Variants in CARMIL1 observed in about 807,000 individuals in gnomAD.
The protein encoded by CARMIL1 is capping protein regulator and myosin 1 linker 1, also known as F-actin-uncapping protein LRRC16A.
In CARMIL1, 90 loss-of-function variants were observed where a neutral mutation model predicts 177.1. That is an observed-to-expected ratio of 0.51 (90% CI 0.43 to 0.61). The LOEUF (loss-of-function observed/expected upper bound fraction) is 0.61, where lower values mean the gene tolerates loss of function less well. Among genes scored for constraint, CARMIL1 ranks in the 20% least tolerant of loss-of-function variants. The pLI, the probability that CARMIL1 is intolerant of heterozygous loss-of-function variation, is 0.00. For missense variants in CARMIL1, 1,380 were observed against 1,667.0 expected (o/e 0.83, Z 3.00); for synonymous variants, 577 against 606.2 (o/e 0.95, Z 0.71).
intron 24 of CARMIL1, among the ~76,000 whole-genome samples, chr6:25,536,214 AC>A (rs1808288833): frequency 6.6e-6 from 1 of 152,042 alleles, no homozygotes; most frequent in South Asian, 2.1e-4. Context: ...ATTATTAATG[AC>A]CCTTTTTGCT....
intron 11 of CARMIL1, among the ~76,000 whole-genome samples, chr6:25,473,276 C>G (rs1472162490): frequency 1.3e-5 from 2 of 152,124 alleles, no homozygotes; most frequent in African/African-American, 4.8e-5. Flanking sequence ...GTAGGGATGT[C>G]TCATTACTGT....
At chr6:25,280,568 A>T (rs1296854769) in intron 1 of CARMIL1, among the ~76,000 whole-genome samples, 2 of 140,852 alleles carry the variant, frequency 1.4e-5, no homozygotes, top group African/African-American at 5.4e-5. Flanking sequence ...AAGGTGACCC[A>T]TTGTTTGAGT....
At chr6:25,304,815 G>A (rs1561959014) in intron 2 of CARMIL1, among the ~76,000 whole-genome samples, 1 of 152,196 alleles carries the variant, frequency 6.6e-6, no homozygotes, top group African/African-American at 2.4e-5. Context: ...CTTATTGAAT[G>A]TCACAGTTTT....
In CARMIL1 at chr6:25,565,109, C is replaced by T. The variant is rs74856982; in HGVS notation, c.2742+8259C>T. 7.1e-3 allele frequency among the ~76,000 whole-genome samples: 1,074 copies of T among 152,208 alleles called. 10 individuals are homozygous for T. The highest frequency in any genetic ancestry group is 0.021 in the African/African-American group (877 of 41,528). ...AGTAGGGAGAGTGGCACATATAGAG[C>T]TCTGGAGTGAAGACAGAACAGTGCA... On this transcript the variant is annotated intron_variant, in intron 29 of 36. Coordinates refer to ENST00000329474, the MANE Select transcript of CARMIL1 (RefSeq NM_017640.6).
Position 25,544,898 on chromosome 6 carries a change from A to G in CARMIL1, c.2328+4820A>G, listed in dbSNP as rs1175728658. 2.0e-5 allele frequency among the ~76,000 whole-genome samples: 3 copies of G among 152,212 alleles called. No individual in the cohort carries two copies. In the South Asian group the frequency reaches 6.2e-4, roughly 31 times the overall value. ...GTTTTATTCTAGAGAAGTGTTAAGA[A>G]TTCAGCATTAGACCTGTATTGTCCA... On this transcript the variant is annotated intron_variant, in intron 26 of 36. Transcript: ENST00000329474.
chr6:25,366,469 T>TAC (rs1213875191), intron 2 of CARMIL1, among the ~76,000 whole-genome samples: 1 of 151,958 alleles, frequency 6.6e-6, no homozygotes, highest in Non-Finnish European at 1.5e-5. Context: ...CATTCTGCTT[T>TAC]ACTTTTCTCC....
chr6:25,584,787 T>C (rs1813480326), intron 31 of CARMIL1, among the ~76,000 whole-genome samples: 1 of 152,184 alleles, frequency 6.6e-6, no homozygotes, highest in African/African-American at 2.4e-5. Context: ...GAAACTTTTA[T>C]GACCTGCCTC....
chr6:25,542,130 G>A (rs796572870), intron 26 of CARMIL1, among the ~76,000 whole-genome samples: 18 of 152,216 alleles, frequency 1.2e-4, no homozygotes, highest in African/African-American at 3.6e-4. Flanking sequence ...AATTTAAATG[G>A]GCATGAAACA....
chr6:25,426,248 T>A (rs1374622978), intron 3 of CARMIL1, among the ~76,000 whole-genome samples: 1 of 152,182 alleles, frequency 6.6e-6, no homozygotes, highest in African/African-American at 2.4e-5. Context: ...TTTTAAAAGT[T>A]GTGCATGCAG....
At chr6:25,291,991 T>G (rs1195059961) in intron 2 of CARMIL1, among the ~76,000 whole-genome samples, 1 of 152,194 alleles carries the variant, frequency 6.6e-6, no homozygotes, top group Non-Finnish European at 1.5e-5. Flanking sequence ...ACCTCGTAGT[T>G]GTTCTCTGAT....
chr6:25,400,506 A>G (rs959054636), intron 2 of CARMIL1, among the ~76,000 whole-genome samples: 4 of 152,226 alleles, frequency 2.6e-5, no homozygotes, highest in African/African-American at 7.2e-5. Context: ...AAAATGCTCT[A>G]TAGATGAGAA....
intron 5 of CARMIL1, among the ~76,000 whole-genome samples, chr6:25,444,298 A>G (rs1798019732): frequency 6.6e-6 from 1 of 151,698 alleles, no homozygotes. Context: ...ATTCTAAATC[A>G]TTTGTTATGA....
intron 31 of CARMIL1, among the ~76,000 whole-genome samples, chr6:25,583,356 C>T (rs990110401): frequency 6.6e-6 from 1 of 152,222 alleles, no homozygotes; most frequent in Non-Finnish European, 1.5e-5. Context: ...GGAGGCCCCA[C>T]CTCCTCCAGT....
In CARMIL1 at chr6:25,325,425, A is replaced by G. The variant is rs551517635; in HGVS notation, c.138+40516A>G. ...AAAAGACAATTTGCTTGCAGATTTT[A>G]GGGTTTTGCTGTGGGTCTGTTTTTG... On this transcript the variant is annotated intron_variant, in intron 2 of 36. Coordinates refer to ENST00000329474, the MANE Select transcript of CARMIL1 (RefSeq NM_017640.6). Among the ~76,000 whole-genome samples the G allele has an allele frequency of 2.6e-5, 4 of 152,312 alleles. No homozygotes were observed. The East Asian group carries it at 7.7e-4, about 29-fold the overall frequency.
chr6:25,594,488 A>G lies in CARMIL1; in HGVS notation c.3080A>G (p.Asp1027Gly). Residue 1027 changes from aspartate (D) to glycine (G), a missense_variant, in exon 32 of 37, where the codon GAT (aspartate) becomes GGT (glycine). Coordinates refer to ENST00000329474, the MANE Select transcript of CARMIL1 (RefSeq NM_017640.6). ...ATGGGGAGAGTGGATGAAGGTGTAG[A>G]TGAATTTTTTACCAAGAAGGTGACC... ...GLMGRVDEGVDEFFTKKVTKM... is the reference protein window; with the variant it reads ...GLMGRVDEGVGEFFTKKVTKM... 1 of 1,613,538 alleles carries G rather than the reference A, an allele frequency of 6.2e-7. No individual in the cohort carries two copies. The highest frequency in any genetic ancestry group is 8.5e-7 in the Non-Finnish European group (1 of 1,179,594).
intron 11 of CARMIL1, among the ~76,000 whole-genome samples, chr6:25,473,688 G>A (rs1167463092): frequency 6.6e-6 from 1 of 152,172 alleles, no homozygotes; most frequent in Admixed American, 6.5e-5. Context: ...TCAAACCCAT[G>A]TTGTTCAAGA....
At chr6:25,428,971 A>T (rs1186132095) in intron 4 of CARMIL1, among the ~76,000 whole-genome samples, 1 of 152,164 alleles carries the variant, frequency 6.6e-6, no homozygotes, top group East Asian at 1.9e-4. Flanking sequence ...TCATTTGTGA[A>T]TATGGATGGG....
intron 11 of CARMIL1, among the ~76,000 whole-genome samples, chr6:25,474,088 A>G (rs1282005433): frequency 3.3e-5 from 5 of 151,860 alleles, no homozygotes; most frequent in African/African-American, 1.2e-4. Context: ...TCACCTTTCA[A>G]TGTTATATTT....
In CARMIL1 at chr6:25,491,801, C is replaced by G. The variant is rs748239375; in HGVS notation, c.1135C>G (p.Leu379Val). 6.3e-7 allele frequency: 1 copy of G among 1,592,844 alleles called. No individual in the cohort carries two copies. The highest frequency in any genetic ancestry group is 8.6e-7 in the Non-Finnish European group (1 of 1,168,720). The change falls in exon 14 of 37, where the codon CTG (leucine) becomes GTG (valine). Residue 379 changes from leucine (L) to valine (V), a missense_variant. Leu to Val is a conservative substitution (Grantham distance 32, BLOSUM62 1). Coordinates refer to ENST00000329474, the MANE Select transcript of CARMIL1 (RefSeq NM_017640.6). ...HLDLSNTECS[L>V]DMVCGALLRG... ...GGATTTATCCAATACAGAATGTTCC[C>G]TGGACATGGTAAATTTAAAATATAT... is the stretch of plus-strand genomic sequence containing the variant.
Sources: allele counts gnomAD v4.1 joint callset (sites outside exome capture counted in the v4.1 genomes callset), GRCh38; gene constraint gnomAD v4.1.1; transcripts MANE v1.5; gene names NCBI Gene and HGNC (gene_info 2026-07-23, HGNC 2026-07-21).